The following DNAH7 variants were observed in gnomAD, a reference collection of about 807,000 sequenced individuals.
DNAH7 encodes the protein dynein axonemal heavy chain 7, also known as axonemal beta dynein heavy chain 7.
In DNAH7, 397 loss-of-function variants were observed where a neutral mutation model predicts 444.6. The ratio of observed to expected loss-of-function variants is 0.89; its 90% CI spans 0.82 to 0.97. The LOEUF (loss-of-function observed/expected upper bound fraction) is 0.97. DNAH7 is among the 50% of genes least tolerant of loss of function. The pLI, the probability that DNAH7 is intolerant of heterozygous loss-of-function variation, is 0.00. For synonymous variants in DNAH7, 1,636 were observed against 1,624.4 expected (o/e 1.01, Z -0.17); for missense variants, 4,902 against 4,800.8 (o/e 1.02, Z -0.62).
intron 48 of DNAH7, among the ~76,000 whole-genome samples, chr2:195,831,509 G>A (rs1042794534): frequency 3.3e-5 from 5 of 152,164 alleles, no homozygotes; most frequent in African/African-American, 2.4e-5. Context: ...TCTTTATGTC[G>A]TAAATGTATA....
intron 54 of DNAH7, among the ~76,000 whole-genome samples, chr2:195,806,370 G>T: frequency 6.6e-6 from 1 of 152,136 alleles, no homozygotes; most frequent in South Asian, 2.1e-4. Context: ...CACTTGAGAA[G>T]TCCACAGATT....
At chr2:195,990,779 G>C (rs1482922869) in intron 12 of DNAH7, among the ~76,000 whole-genome samples, 66 of 81,076 alleles carry the variant, frequency 8.1e-4, no homozygotes, top group Non-Finnish European at 1.6e-3. Context: ...GCTTTGTTGT[G>C]TGTGTGTGTG....
At chr2:195,814,451 G>A (rs1375505446) in intron 51 of DNAH7, among the ~76,000 whole-genome samples, 4 of 152,128 alleles carry the variant, frequency 2.6e-5, no homozygotes, top group Non-Finnish European at 5.9e-5. Flanking sequence ...TACCTTGGAT[G>A]AGTTCTAACT....
chr2:195,832,778 G>C (rs1470064223), intron 48 of DNAH7, among the ~76,000 whole-genome samples: 2 of 152,072 alleles, frequency 1.3e-5, no homozygotes, highest in East Asian at 3.9e-4. Context: ...CCTTCAAGAA[G>C]TCTTCCCCAG....
intron 35 of DNAH7, 102 bp from the exon 36 acceptor site, chr2:195,882,094 T>C: frequency 1.1e-6 from 1 of 872,078 alleles, no homozygotes; most frequent in South Asian, 1.7e-5. Context: ...CAAACCCTGA[T>C]ATGTATACAT....
intron 54 of DNAH7, among the ~76,000 whole-genome samples, chr2:195,801,425 T>A (rs1368757305): frequency 6.6e-6 from 1 of 152,052 alleles, no homozygotes; most frequent in African/African-American, 2.4e-5. Flanking sequence ...AAAATTAAAC[T>A]CCTAGTAGAC....
Position 195,972,405 on chromosome 2 carries a change from G to C in DNAH7, c.1895C>G (p.Ser632Cys), listed in dbSNP as rs73042525. 77,349 of 1,613,828 alleles carry C rather than the reference G, an allele frequency of 0.048. 2,239 individuals are homozygous for C. The highest frequency in any genetic ancestry group is 0.13 in the African/African-American group (9,629 of 74,948). Residue 632 changes from serine to cysteine, a missense_variant, in exon 16 of 65, where the codon TCC becomes TGC. Ser to Cys is a moderately radical substitution (Grantham distance 112, BLOSUM62 -1). Coordinates refer to ENST00000312428, the MANE Select transcript of DNAH7 (RefSeq NM_018897.3). The part of the protein sequence containing the change: ...MIELEQRLVD[S>C]KNCLAFLIEY... ...GATGAGGAAGGCGAGGCAGTTTTTGGAATCCACTAATCTCTGTTCTAGTTC... is the reference window on the plus strand; with the variant it reads ...GATGAGGAAGGCGAGGCAGTTTTTGCAATCCACTAATCTCTGTTCTAGTTC...
chr2:195,962,030 C>T (rs1298460828), intron 17 of DNAH7, among the ~76,000 whole-genome samples: 2 of 152,088 alleles, frequency 1.3e-5, no homozygotes, highest in Non-Finnish European at 2.9e-5. Flanking sequence ...GTCACAGATG[C>T]TTCTGTAAAG....
intron 19 of DNAH7, among the ~76,000 whole-genome samples, chr2:195,943,131 C>A (rs1411640104): frequency 1.3e-5 from 2 of 152,126 alleles, no homozygotes; most frequent in Non-Finnish European, 2.9e-5. Flanking sequence ...TACTTTCCAC[C>A]ATGATTGTGA....
intron 12 of DNAH7, among the ~76,000 whole-genome samples, chr2:195,996,150 T>C (rs915639657): frequency 6.6e-6 from 1 of 151,864 alleles, no homozygotes; most frequent in Non-Finnish European, 1.5e-5. Flanking sequence ...TTAAACACAA[T>C]ACTTTTTCAC....
At chr2:195,937,723 T>G (rs1178396225) in intron 19 of DNAH7, among the ~76,000 whole-genome samples, 4 of 152,120 alleles carry the variant, frequency 2.6e-5, no homozygotes, top group Non-Finnish European at 4.4e-5. Flanking sequence ...GTTGATGTCA[T>G]CTGGGTCTAT....
intron 63 of DNAH7, among the ~76,000 whole-genome samples, chr2:195,744,900 G>A (rs558938303): frequency 6.6e-6 from 1 of 152,266 alleles, no homozygotes; most frequent in East Asian, 1.9e-4. Context: ...CCACAAAGAT[G>A]GGGAAAAAAC....
At chr2:195,808,933 G>C in intron 52 of DNAH7, 57 bp from the exon 53 acceptor site, 1 of 1,450,442 alleles carries the variant, frequency 6.9e-7, no homozygotes, top group Non-Finnish European at 9.4e-7. Context: ...AAACTAGTAA[G>C]CTTACAACCA....
chr2:195,745,118 A>G (rs781276262), intron 63 of DNAH7, among the ~76,000 whole-genome samples: 10 of 152,222 alleles, frequency 6.6e-5, no homozygotes, highest in Admixed American at 1.3e-4. Flanking sequence ...AAAAATTTAG[A>G]CGAATGTGTA....
intron 1 of DNAH7, 193 bp downstream of exon 1, chr2:196,068,504 C>G: frequency 1.4e-6 from 1 of 732,878 alleles, no homozygotes; most frequent in South Asian, 2.2e-5. Flanking sequence ...CAAGGGCAAA[C>G]AGCTGGGAAG....
In DNAH7 at chr2:196,001,803, G is replaced by T; in HGVS notation, c.1045C>A (p.Pro349Thr). 6.2e-7 allele frequency: 1 copy of T among 1,612,496 alleles called. No individual in the cohort carries two copies. The change falls in exon 11 of 65, where the codon CCA becomes ACA. Residue 349 changes from proline to threonine, a missense_variant. Coordinates refer to ENST00000312428, the MANE Select transcript of DNAH7 (RefSeq NM_018897.3). ...YYQGNKKKQL[P>T]TGDSSAKLES... ...AATTTGGCACTGCTGTCACCAGTTG[G>T]CAATTGCTTTTTTTTATTACCTTGG...
chr2:195,885,818 A>G (rs1701675007), intron 34 of DNAH7, among the ~76,000 whole-genome samples: 1 of 152,224 alleles, frequency 6.6e-6, no homozygotes, highest in African/African-American at 2.4e-5. Flanking sequence ...GAAAGGAGGT[A>G]AATCTCATTG....
intron 61 of DNAH7, among the ~76,000 whole-genome samples, chr2:195,766,469 A>G (rs2105930685): frequency 6.6e-6 from 1 of 152,122 alleles, no homozygotes; most frequent in Admixed American, 6.5e-5. Context: ...TGCACAGGCC[A>G]TGGAAGCTAA....
At chr2:195,751,165 A>C (rs1316382856) in intron 63 of DNAH7, among the ~76,000 whole-genome samples, 1 of 152,224 alleles carries the variant, frequency 6.6e-6, no homozygotes, top group Non-Finnish European at 1.5e-5. Flanking sequence ...TTAAGAATAA[A>C]GGGATTTTGA....
Sources: gnomAD v4.1 joint callset for allele counts (sites outside exome capture counted in the v4.1 genomes callset) on GRCh38, gnomAD v4.1.1 for gene constraint, MANE v1.5 for transcripts, NCBI Gene and HGNC (gene_info 2026-07-23, HGNC 2026-07-21) for gene names.